Variants in KCNIP4 observed in about 807,000 individuals in gnomAD.
The protein encoded by KCNIP4 is Kv channel-interacting protein 4.
KCNIP4 carries 12 observed loss-of-function variants against 34.0 expected under a neutral mutation model. That is an observed-to-expected ratio of 0.35 (90% confidence interval 0.23 to 0.57). The LOEUF (loss-of-function observed/expected upper bound fraction) is 0.57, where lower values mean the gene tolerates loss of function less well. Among genes scored for constraint, KCNIP4 ranks in the 20% least tolerant of loss-of-function variants. The pLI is 0.83. For synonymous variants in KCNIP4, 124 were observed against 102.2 expected, an observed-to-expected ratio of 1.21 and a Z score of -1.29; for missense variants, 238 against 311.7, an observed-to-expected ratio of 0.76 and a Z score of 1.78.
intron 1 of KCNIP4, among the ~76,000 whole-genome samples, chr4:21,371,482 A>G (rs1262948039): frequency 3.4e-5 from 5 of 147,056 alleles, no homozygotes; most frequent in Non-Finnish European, 5.9e-5. Context: ...ACTCTATCAC[A>G]TACTATCTCT....
chr4:20,824,748 A>G (rs1049647709), intron 3 of KCNIP4, among the ~76,000 whole-genome samples: 17 of 152,148 alleles, frequency 1.1e-4, no homozygotes, highest in Non-Finnish European at 1.9e-4. Flanking sequence ...GCATGGTATA[A>G]TGACTTTGGA....
chr4:21,474,542 A>C (rs1730753073), intron 1 of KCNIP4, among the ~76,000 whole-genome samples: 1 of 152,284 alleles, frequency 6.6e-6, no homozygotes, highest in Admixed American at 6.5e-5. Context: ...TCCCTTCCAC[A>C]GTGGCTAAGA....
At position 21,871,273 on chromosome 4, in the gene KCNIP4, C is replaced by G. The variant is rs1014256271; in HGVS notation, c.61+77298G>C. Among the ~76,000 whole-genome samples the G allele has an allele frequency of 1.1e-4, 15 of 133,918 alleles. No individual in the cohort carries two copies. The Admixed American group carries it at 1.1e-3, about 10-fold the overall frequency. The allele number at this position is 133,918 out of a possible 152,430, so 87.9% of individuals were successfully genotyped here. Reference sequence around the variant, plus strand: ...CCCCTCCCCGCTCCCCACCTCCCCCCACCCCACAACAGGCCCCGGTGTGTG... The same window carrying G: ...CCCCTCCCCGCTCCCCACCTCCCCCGACCCCACAACAGGCCCCGGTGTGTG... On this transcript the variant is annotated intron_variant, in intron 1 of 8. Coordinates refer to ENST00000382152, the MANE Select transcript of KCNIP4 (RefSeq NM_025221.6).
At chr4:20,924,999 C>G (rs1729754896) in intron 1 of KCNIP4, among the ~76,000 whole-genome samples, 1 of 152,114 alleles carries the variant, frequency 6.6e-6, no homozygotes, top group Middle Eastern at 3.4e-3. Flanking sequence ...CAAAAAAGCA[C>G]TTTTGAAATG....
intron 1 of KCNIP4, among the ~76,000 whole-genome samples, chr4:21,105,432 T>G (rs554465268): frequency 6.6e-6 from 1 of 151,718 alleles, no homozygotes; most frequent in East Asian, 1.9e-4. Context: ...CTTGTGATTT[T>G]TGCACATCAA....
chr4:21,191,241 G>A (rs900141041), intron 1 of KCNIP4, among the ~76,000 whole-genome samples: 1 of 152,116 alleles, frequency 6.6e-6, no homozygotes, highest in Admixed American at 6.5e-5. Context: ...AAAGAACCTT[G>A]TGTATTTGAT....
At chr4:20,904,649 A>C (rs1727536884) in intron 1 of KCNIP4, among the ~76,000 whole-genome samples, 1 of 152,158 alleles carries the variant, frequency 6.6e-6, no homozygotes, top group African/African-American at 2.4e-5. Flanking sequence ...GTCCTTAACA[A>C]AATGCTAATT....
intron 1 of KCNIP4, among the ~76,000 whole-genome samples, chr4:21,252,353 C>T (rs181683232): frequency 4.6e-5 from 7 of 152,088 alleles, no homozygotes; most frequent in African/African-American, 1.4e-4. Flanking sequence ...GTCTCGATCT[C>T]CTAACCTCGT....
At chr4:21,866,685 A>G (rs1168450906) in intron 1 of KCNIP4, among the ~76,000 whole-genome samples, 1 of 149,840 alleles carries the variant, frequency 6.7e-6, no homozygotes, top group Non-Finnish European at 1.5e-5. Flanking sequence ...GTCAAACTGT[A>G]TTTCTGTTTC....
At chr4:21,658,650 C>T (rs1490855975) in intron 1 of KCNIP4, among the ~76,000 whole-genome samples, 1 of 152,140 alleles carries the variant, frequency 6.6e-6, no homozygotes, top group African/African-American at 2.4e-5. Context: ...ATCTGGCCAC[C>T]TCAGCCCCCC....
At chr4:21,090,107 T>C (rs1746856970) in intron 1 of KCNIP4, among the ~76,000 whole-genome samples, 1 of 152,140 alleles carries the variant, frequency 6.6e-6, no homozygotes, top group Admixed American at 6.6e-5. Flanking sequence ...CAGTAGCCCC[T>C]CTCCCCTGCC....
intron 1 of KCNIP4, among the ~76,000 whole-genome samples, chr4:21,109,653 G>T (rs1454246728): frequency 1.3e-5 from 2 of 152,184 alleles, no homozygotes; most frequent in Admixed American, 1.3e-4. Flanking sequence ...GACGAACCTG[G>T]TACCTCAGAT....
At position 20,856,701 on chromosome 4, in the gene KCNIP4, CT is replaced by C. The variant is rs1423964623; in HGVS notation, c.164-6035del. 4.3e-4 allele frequency among the ~76,000 whole-genome samples: 65 copies of C among 152,274 alleles called. 1 individual carries two copies. The highest frequency in any genetic ancestry group is 3.4e-3 in the Admixed American group (52 of 15,280). On this transcript the variant is annotated intron_variant, in intron 2 of 8. Coordinates refer to ENST00000382152, the MANE Select transcript of KCNIP4 (RefSeq NM_025221.6). The stretch of plus-strand genomic sequence containing the variant: ...GCCCTATAGGGAAATATTTTTCAGA[CT>C]GAAATTTGTGGGCTGTTGGTGGACC...
At chr4:21,476,244 A>G (rs896795819) in intron 1 of KCNIP4, among the ~76,000 whole-genome samples, 2 of 152,106 alleles carry the variant, frequency 1.3e-5, no homozygotes, top group Non-Finnish European at 2.9e-5. Context: ...CTATCTATCT[A>G]TTGAGTTTTT....
intron 1 of KCNIP4, among the ~76,000 whole-genome samples, chr4:21,332,494 C>T (rs576631336): frequency 6.6e-6 from 1 of 152,070 alleles, no homozygotes; most frequent in South Asian, 2.1e-4. Context: ...TAAAAGAGAA[C>T]TGTCAATTCT....
intron 2 of KCNIP4, among the ~76,000 whole-genome samples, chr4:20,873,233 T>C (rs1054293831): frequency 2.6e-5 from 4 of 152,200 alleles, no homozygotes; most frequent in African/African-American, 9.6e-5. Flanking sequence ...CCTGCTTTGA[T>C]GTGTCATAAT....
At chr4:21,641,188 T>C (rs879570526) in intron 1 of KCNIP4, among the ~76,000 whole-genome samples, 3 of 152,244 alleles carry the variant, frequency 2.0e-5, no homozygotes, top group Non-Finnish European at 4.4e-5. Flanking sequence ...ACAAGTTACA[T>C]GAAGATGTGT....
At chr4:21,304,762 T>C (rs1006310992) in intron 1 of KCNIP4, 4 of 152,162 alleles carry the variant, frequency 2.6e-5, no homozygotes, top group Non-Finnish European at 5.9e-5. Flanking sequence ...CTGGTTTGAG[T>C]AGTAACTATC....
chr4:21,137,871 C>CTTTTTTTTTTT lies in KCNIP4; in HGVS notation c.62-255163_62-255162insAAAAAAAAAAA, dbSNP rs144440285. On this transcript the variant is annotated intron_variant, in intron 1 of 8. Transcript: ENST00000382152. Reference sequence around the variant, plus strand: ...ATGAAGGCTTTTTCCCTTACACAGGCTTTTTTGTTTTTTTTTTTTTGATGG... The same window carrying CTTTTTTTTTTT: ...ATGAAGGCTTTTTCCCTTACACAGGCTTTTTTTTTTTTTTTTTGTTTTTTTTTTTTTGATGG... Among the ~76,000 whole-genome samples, 911 of 117,832 alleles carry CTTTTTTTTTTT rather than the reference C, an allele frequency of 7.7e-3. 73 individuals are homozygous for CTTTTTTTTTTT. Among genetic ancestry groups the CTTTTTTTTTTT allele is most frequent in the African/African-American group, 0.01 (283 of 27,988 alleles). The allele number at this position is 117,832 out of a possible 152,430, so 77.3% of individuals were successfully genotyped here.
Sources: allele counts gnomAD v4.1 joint callset (sites outside exome capture counted in the v4.1 genomes callset), GRCh38; gene constraint gnomAD v4.1.1; transcripts MANE v1.5; gene names NCBI Gene and HGNC (gene_info 2026-07-23, HGNC 2026-07-21).